Variants in OR2L13 observed in about 807,000 individuals in gnomAD.
OR2L13 encodes the protein olfactory receptor family 2 subfamily L member 13, also known as olfactory receptor 2L13.
A neutral mutation model predicts 15.3 loss-of-function variants in OR2L13; 14 were observed. That is an observed-to-expected ratio of 0.91 (90% confidence interval 0.60 to 1.43). OR2L13 has a LOEUF of 1.43. Ranked by LOEUF, OR2L13 falls within the 40% of genes most tolerant of loss-of-function variation. The pLI, the probability that OR2L13 is intolerant of heterozygous loss-of-function variation, is 0.00. For synonymous variants in OR2L13, 152 were observed against 142.9 expected (o/e 1.06, Z -0.45); for missense variants, 367 against 387.9 (o/e 0.95, Z 0.45).
At chr1:247,949,872 C>T in the OR2L13 span, 4 of 1,226,868 alleles carry the variant, frequency 3.3e-6, no homozygotes, top group Non-Finnish European at 4.5e-6. Flanking sequence ...AATATTATGT[C>T]CTTCCTAGAG....
At chr1:248,000,259 A>G in the OR2L13 span, among the ~76,000 whole-genome samples, 3 of 151,998 alleles carry the variant, frequency 2.0e-5, no homozygotes, top group East Asian at 3.9e-4. Context: ...TATAGGGAGG[A>G]AAATCTGTGC....
the OR2L13 span, among the ~76,000 whole-genome samples, chr1:247,959,187 C>A: frequency 6.6e-6 from 1 of 151,870 alleles, no homozygotes; most frequent in Admixed American, 6.6e-5. Context: ...TATTTTATTT[C>A]TCCTTCACTT....
the OR2L13 span, among the ~76,000 whole-genome samples, chr1:248,054,214 A>G: frequency 1.3e-5 from 2 of 152,154 alleles, no homozygotes; most frequent in African/African-American, 2.4e-5. Flanking sequence ...TTAAATAGGG[A>G]ATCTTTTCCC....
At chr1:248,100,395 T>A in exon 3 of OR2L13, 1 of 655,196 alleles carries the variant, frequency 1.5e-6, no homozygotes, top group African/African-American at 1.8e-5. Flanking sequence ...CCAATAGAAA[T>A]ACAACATAAT....
chr1:248,060,350 A>C, the OR2L13 span, among the ~76,000 whole-genome samples: 1 of 152,334 alleles, frequency 6.6e-6, no homozygotes, highest in East Asian at 1.9e-4. Context: ...AAAATAGGTA[A>C]GAAGTCAGAT....
the OR2L13 span, among the ~76,000 whole-genome samples, chr1:248,085,125 A>T: frequency 6.6e-6 from 1 of 151,668 alleles, no homozygotes; most frequent in Non-Finnish European, 1.5e-5. Flanking sequence ...TAGTGTATGC[A>T]CTCCCCTTAT....
chr1:248,018,030 C>T, the OR2L13 span, among the ~76,000 whole-genome samples: 1 of 151,982 alleles, frequency 6.6e-6, no homozygotes, highest in Non-Finnish European at 1.5e-5. Flanking sequence ...TGGTGGGCCC[C>T]TGTAATCCCA....
chr1:247,995,536 A>C, the OR2L13 span, among the ~76,000 whole-genome samples: 2 of 152,232 alleles, frequency 1.3e-5, no homozygotes, highest in Non-Finnish European at 2.9e-5. Context: ...TTTGTGTTTC[A>C]GTGTGATTTT....
At chr1:247,956,738 C>T in the OR2L13 span, among the ~76,000 whole-genome samples, 2 of 151,794 alleles carry the variant, frequency 1.3e-5, no homozygotes, top group African/African-American at 4.8e-5. Flanking sequence ...TGATTTGGCT[C>T]TCTGTTTGTC....
At chr1:248,087,435 A>T in the OR2L13 span, 3 of 152,202 alleles carry the variant, frequency 2.0e-5, no homozygotes, top group Admixed American at 2.0e-4. Flanking sequence ...AAATACGAGT[A>T]ATTTGAAATT....
the OR2L13 span, chr1:247,974,614 A>G: frequency 1.2e-3 from 189 of 161,528 alleles, no homozygotes; most frequent in Non-Finnish European, 1.6e-3. Context: ...AATAGTGTAT[A>G]TGAGACTCAA....
the OR2L13 span, chr1:247,965,736 T>C: frequency 1.3e-6 from 2 of 1,562,508 alleles, no homozygotes; most frequent in Admixed American, 1.9e-5. Flanking sequence ...TTATGTCTTA[T>C]GATCGCTATG....
the OR2L13 span, among the ~76,000 whole-genome samples, chr1:247,970,555 G>A: frequency 6.6e-6 from 1 of 152,026 alleles, no homozygotes; most frequent in Non-Finnish European, 1.5e-5. Context: ...ATATTCAATA[G>A]TACCAAGGGA....
chr1:248,084,984 A>T, the OR2L13 span, among the ~76,000 whole-genome samples: 1 of 152,178 alleles, frequency 6.6e-6, no homozygotes, highest in Non-Finnish European at 1.5e-5. Context: ...ATTTACCAAC[A>T]TCAAAGATTC....
At chr1:248,061,655 A>G in the OR2L13 span, 151 of 1,558,634 alleles carry the variant, frequency 9.7e-5, 1 homozygote, top group Middle Eastern at 8.6e-4. Flanking sequence ...GGACTCAGAT[A>G]CACATCCATC....
the OR2L13 span, among the ~76,000 whole-genome samples, chr1:248,006,077 G>A: frequency 6.6e-6 from 1 of 152,128 alleles, no homozygotes; most frequent in Admixed American, 6.6e-5. Flanking sequence ...CCTCCCATCA[G>A]CAGTCACTTG....
At chr1:248,021,349 C>G in the OR2L13 span, among the ~76,000 whole-genome samples, 26,722 of 152,120 alleles carry the variant, frequency 0.18, 2,586 homozygotes, top group East Asian at 0.32. Flanking sequence ...AAATAATTCA[C>G]AGTCTAACTA....
At chr1:247,992,821 A>G in the OR2L13 span, among the ~76,000 whole-genome samples, 1 of 148,290 alleles carries the variant, frequency 6.7e-6, no homozygotes, top group Non-Finnish European at 1.5e-5. Context: ...TGTTGTGAAT[A>G]GTGCAGCAAT....
At chr1:247,957,897 C>T in the OR2L13 span, among the ~76,000 whole-genome samples, 4 of 152,120 alleles carry the variant, frequency 2.6e-5, no homozygotes, top group East Asian at 5.8e-4. Context: ...AAACCAGCTC[C>T]TGGATTCATT....
Sources: allele counts gnomAD v4.1 joint callset (sites outside exome capture counted in the v4.1 genomes callset), GRCh38; gene constraint gnomAD v4.1.1; transcripts MANE v1.5; gene names NCBI Gene and HGNC (gene_info 2026-07-23, HGNC 2026-07-21).